CORO1B: variants seen among roughly 807,000 people sequenced by gnomAD.
CORO1B encodes coronin-1B.
In CORO1B, 30 loss-of-function variants were observed where a neutral mutation model predicts 51.1. That is an observed-to-expected ratio of 0.59 (90% CI 0.44 to 0.80). The LOEUF (loss-of-function observed/expected upper bound fraction) is 0.80. CORO1B is among the 30% of genes least tolerant of loss of function. The probability of loss-of-function intolerance (pLI) is 0.00; values close to 1 mark genes in which losing one functional copy is unlikely to be tolerated. For missense variants in CORO1B, 648 were observed against 700.4 expected (o/e 0.93, Z 0.84); for synonymous variants, 310 against 289.7 (o/e 1.07, Z -0.71).
intron 10 of CORO1B, 80 bp downstream of exon 10, chr11:67,438,591 C>G: frequency 6.5e-7 from 1 of 1,538,940 alleles, no homozygotes; most frequent in South Asian, 1.2e-5. Flanking sequence ...CAGAGAGGGA[C>G]AGCGAATGGC....
rs1407428304 is a variant in CORO1B at position 67,438,767 on chromosome 11, C to CCGGCTGTCAGA, written c.1237_1247dup (p.Pro417LeufsTer14). On this transcript the variant is annotated frameshift_variant, in exon 10 of 11. Coordinates refer to ENST00000341356, the MANE Select transcript of CORO1B (RefSeq NM_020441.3). LOFTEE classifies it high-confidence loss of function. ...GGGAGGAGCCCGGGGCCATGGCGGGCCGGCTGTCAGACAACACGTTGCGCC... is the reference window on the plus strand; with the variant it reads ...GGGAGGAGCCCGGGGCCATGGCGGGCCGGCTGTCAGACGGCTGTCAGACAACACGTTGCGCC... 6.4e-7 allele frequency: 1 copy of CCGGCTGTCAGA among 1,573,450 alleles called. No homozygotes were observed. The highest frequency in any genetic ancestry group is 8.6e-7 in the Non-Finnish European group (1 of 1,163,450).
In CORO1B at chr11:67,435,616, G is replaced by A; in HGVS notation, c.*2760C>T. 1 of 1,438,794 alleles carries A rather than the reference G, an allele frequency of 7.0e-7. No individual in the cohort carries two copies. The highest frequency in any genetic ancestry group is 9.2e-7 in the Non-Finnish European group (1 of 1,085,084). The allele number at this position is 1,438,794 out of a possible 1,614,324, so 89.1% of individuals were successfully genotyped here. A position where few individuals can be genotyped will look rare whatever the true frequency, so the allele number is the denominator to read the frequency against. On this transcript the variant is annotated 3_prime_UTR_variant, in exon 11 of 11. Coordinates refer to ENST00000341356, the MANE Select transcript of CORO1B (RefSeq NM_020441.3). The stretch of plus-strand genomic sequence containing the variant: ...ACATGGACTTGGGAACTGGTAGGGG[G>A]TGACAGTCTGAGGCATGGTCATGTG...
In CORO1B at chr11:67,436,392, G is replaced by C. The variant is rs867259279; in HGVS notation, c.*1984C>G. On this transcript the variant is annotated 3_prime_UTR_variant, in exon 11 of 11. Transcript: ENST00000341356. ...GGGGCTCAGAGGGCTCAGCACCTGG[G>C]GTGGGGCCTGGTGTGGGGCAGGCTG... The C allele has an allele frequency of 7.0e-7, 1 of 1,426,124 alleles. No homozygotes were observed. Among genetic ancestry groups the C allele is most frequent in the East Asian group, 2.6e-5 (1 of 38,734 alleles). 88.3% of individuals were successfully genotyped at this position (1,426,124 alleles called of 1,614,324 possible).
chr11:67,443,608 C>T, upstream of CORO1B: 1 of 713,322 alleles, frequency 1.4e-6, no homozygotes, highest in Non-Finnish European at 1.7e-6. Flanking sequence ...GGGAGCGGGG[C>T]CGCCGGGGAC....
rs1356728253 is a variant in CORO1B at position 67,435,858 on chromosome 11, G to T, written c.*2518C>A. 6 of 1,610,482 alleles carry T rather than the reference G, an allele frequency of 3.7e-6. No individual in the cohort carries two copies. The highest frequency in any genetic ancestry group is 1.7e-5 in the Admixed American group (1 of 59,934). ...TCAGCACTGCCCCCTGCGCTCGCTG[G>T]TCCTGGGGAGCCGAGGACCAGGTCG... On this transcript the variant is annotated 3_prime_UTR_variant, in exon 11 of 11. Coordinates refer to ENST00000341356, the MANE Select transcript of CORO1B (RefSeq NM_020441.3).
rs778223527 is a variant in CORO1B, at chr11:67,435,748, A to G, written c.*2628T>C. On this transcript the variant is annotated 3_prime_UTR_variant, in exon 11 of 11. Transcript: ENST00000341356. Reference sequence around the variant, plus strand: ...AGACCGGCCTCTACAGTGCGGTGACATGGAGGCCCTGGCCCCCAGCTGCCC... The same window carrying G: ...AGACCGGCCTCTACAGTGCGGTGACGTGGAGGCCCTGGCCCCCAGCTGCCC... 1 of 1,544,502 alleles carries G rather than the reference A, an allele frequency of 6.5e-7. No homozygotes were observed. The highest frequency in any genetic ancestry group is 1.9e-5 in the Admixed American group (1 of 53,692).
chr11:67,439,710 G>T, intron 9 of CORO1B, 76 bp downstream of exon 9: 1 of 1,407,986 alleles, frequency 7.1e-7, no homozygotes, highest in Non-Finnish European at 9.8e-7. Flanking sequence ...CCATTCACAG[G>T]CCTCGCCCTG....
rs1269722992 is a variant in CORO1B, at chr11:67,443,468, G to GGGAAGCA, written c.-74_-68dup. The GGGAAGCA allele has an allele frequency of 2.6e-5, 26 of 986,198 alleles. No individual in the cohort carries two copies. Among genetic ancestry groups the GGGAAGCA allele is most frequent in the Non-Finnish European group, 3.1e-5 (26 of 830,094 alleles). The allele number at this position is 986,198 out of a possible 1,614,324, so 61.1% of individuals were successfully genotyped here. A position where few individuals can be genotyped will look rare whatever the true frequency, so the allele number is the denominator to read the frequency against. On this transcript the variant is annotated 5_prime_UTR_variant, in exon 1 of 11. Coordinates refer to ENST00000341356, the MANE Select transcript of CORO1B (RefSeq NM_020441.3). ...CGGGCGGCTCCGGATCCCGGCCTCT[G>GGGAAGCA]GGAAGCAGGAAGCAGGATTCAGGAA...
Position 67,437,634 on chromosome 11 carries a change from C to A in CORO1B, c.*742G>T. 1 of 1,366,176 alleles carries A rather than the reference C, an allele frequency of 7.3e-7. No individual in the cohort carries two copies. The highest frequency in any genetic ancestry group is 9.5e-7 in the Non-Finnish European group (1 of 1,051,180). 84.6% of individuals were successfully genotyped at this position (1,366,176 alleles called of 1,614,324 possible). On this transcript the variant is annotated 3_prime_UTR_variant, in exon 11 of 11. Coordinates refer to ENST00000341356, the MANE Select transcript of CORO1B (RefSeq NM_020441.3). ...AGGCTTACCATTGGTCCGCAGGCCC[C>A]TCCGTGCCGGGCACCCACCTCCAGC...
Position 67,436,536 on chromosome 11 carries a change from C to A in CORO1B, c.*1840G>T. ...TGGCCCTGTGAGATCAGCCCCCATC[C>A]CTCCAGCCTCCTCCCTACCACTCAC... On this transcript the variant is annotated 3_prime_UTR_variant, in exon 11 of 11. Transcript: ENST00000341356. 3.4e-6 allele frequency: 2 copies of A among 585,478 alleles called. No individual in the cohort carries two copies. Among genetic ancestry groups the A allele is most frequent in the Non-Finnish European group, 5.4e-6 (2 of 368,506 alleles). 36.3% of individuals were successfully genotyped at this position (585,478 alleles called of 1,614,324 possible).
At chr11:67,438,590 A>C in intron 10 of CORO1B, 81 bp downstream of exon 10, 1 of 1,541,526 alleles carries the variant, frequency 6.5e-7, no homozygotes, top group Non-Finnish European at 8.8e-7. Context: ...CCAGAGAGGG[A>C]CAGCGAATGG....
chr11:67,440,740 C>G, intron 6 of CORO1B: 2 of 651,906 alleles, frequency 3.1e-6, no homozygotes, highest in Non-Finnish European at 5.7e-6. Flanking sequence ...GCACCAGCCC[C>G]TGCTCAAGGT....
chr11:67,440,266 G>C lies in CORO1B; in HGVS notation c.862-3C>G. On this transcript the variant is annotated splice_polypyrimidine_tract_variant and splice_region_variant and intron_variant, in intron 7 of 10. Coordinates refer to ENST00000341356, the MANE Select transcript of CORO1B (RefSeq NM_020441.3). ...AAGTACCGGATGCTGGAGTCACCCT[G>C]TGTGGGGAGGGGGCTCAGCACCTGG... 3 of 1,613,304 alleles carry C rather than the reference G, an allele frequency of 1.9e-6. No homozygotes were observed. The highest frequency in any genetic ancestry group is 2.5e-6 in the Non-Finnish European group (3 of 1,179,564).
Position 67,437,574 on chromosome 11 carries a change from C to G in CORO1B, c.*802G>C, listed in dbSNP as rs1864312395. 5 of 1,343,518 alleles carry G rather than the reference C, an allele frequency of 3.7e-6. No homozygotes were observed. The highest frequency in any genetic ancestry group is 2.3e-5 in the South Asian group (1 of 42,842). 83.2% of individuals were successfully genotyped at this position (1,343,518 alleles called of 1,614,324 possible). ...GCCCAGACATTCTAGCCCCGACCGCCTGTGGCCCCCATCCCAAGAACCCGG... is the reference window on the plus strand; with the variant it reads ...GCCCAGACATTCTAGCCCCGACCGCGTGTGGCCCCCATCCCAAGAACCCGG... On this transcript the variant is annotated 3_prime_UTR_variant, in exon 11 of 11. Transcript: ENST00000341356.
In CORO1B at chr11:67,441,233, C is replaced by T. The variant is rs768388355; in HGVS notation, c.648G>A (p.Lys216=). The T allele has an allele frequency of 3.1e-6, 5 of 1,613,020 alleles. No individual in the cohort carries two copies. The East Asian group carries it at 6.7e-5, about 22-fold the overall frequency. Residue 216 remains lysine, a synonymous_variant, in exon 6 of 11, where the codon AAG becomes AAA. Coordinates refer to ENST00000341356, the MANE Select transcript of CORO1B (RefSeq NM_020441.3). ...GCATGGGCCGGGCCCCCTCATGAGC[C>T]TTCTCCCGCTCCTGTCGGGGGGACA... ...RRGTLVAERE[K]AHEGARPMRA...
intron 9 of CORO1B, 120 bp from the exon 10 acceptor site, chr11:67,439,069 C>T (rs753258904): frequency 8.5e-7 from 1 of 1,181,060 alleles, no homozygotes; most frequent in African/African-American, 1.5e-5. Context: ...CTGGAAAGCT[C>T]AAATCTGGCC....
At position 67,435,889 on chromosome 11, in the gene CORO1B, C is replaced by T. The variant is rs145658745; in HGVS notation, c.*2487G>A. 106 of 1,612,100 alleles carry T rather than the reference C, an allele frequency of 6.6e-5. No individual in the cohort carries two copies. The East Asian group carries it at 6.9e-4, about 11-fold the overall frequency. ...GGGAGCCGAGGACCAGGTCGCCCTC[C>T]GTGTCACTGTCTCTGGCTTCCTCAG... On this transcript the variant is annotated 3_prime_UTR_variant, in exon 11 of 11. Coordinates refer to ENST00000341356, the MANE Select transcript of CORO1B (RefSeq NM_020441.3).
Position 67,438,746 on chromosome 11 carries a change from G to A in CORO1B, c.1269C>T (p.Ser423=). 6.4e-7 allele frequency: 1 copy of A among 1,555,250 alleles called. No individual in the cohort carries two copies. Among genetic ancestry groups the A allele is most frequent in the Non-Finnish European group, 8.7e-7 (1 of 1,153,760 alleles). The change falls in exon 10 of 11, where the codon TCC becomes TCT. Residue 423 remains serine (S), a synonymous_variant. Coordinates refer to ENST00000341356, the MANE Select transcript of CORO1B (RefSeq NM_020441.3). The part of the protein sequence containing the change: ...SDSRPAMAPG[S]SHLGAPASTT... The stretch of plus-strand genomic sequence containing the variant: ...TGGAGGCGGGGGCCCCTAGGTGGGA[G>A]GAGCCCGGGGCCATGGCGGGCCGGC...
chr11:67,437,789 TC>T lies in CORO1B; in HGVS notation c.*586del. ...AGGACCCCTGGTCCACACCAGACCC[TC>T]CCCAGTCTCTCTGGAGGAGGCTGGG... On this transcript the variant is annotated 3_prime_UTR_variant, in exon 11 of 11. Transcript: ENST00000341356. The T allele has an allele frequency of 3.3e-6, 2 of 604,222 alleles. No homozygotes were observed. Among genetic ancestry groups the T allele is most frequent in the Non-Finnish European group, 4.9e-6 (2 of 406,922 alleles). The allele number at this position is 604,222 out of a possible 1,614,324, so 37.4% of individuals were successfully genotyped here.
Sources: allele counts gnomAD v4.1 joint callset, GRCh38; gene constraint gnomAD v4.1.1; transcripts MANE v1.5; gene names NCBI Gene and HGNC (gene_info 2026-07-23, HGNC 2026-07-21).